The following CLDN10 variants were observed in gnomAD, a reference collection of about 807,000 sequenced individuals.
The protein encoded by CLDN10 is claudin 10.
Under a neutral mutation model 22.9 loss-of-function variants are expected in CLDN10, and 15 were observed. The observed-to-expected ratio is 0.65, with a 90% CI of 0.44 to 1.01. The LOEUF (loss-of-function observed/expected upper bound fraction) is 1.01, where lower values mean the gene tolerates loss of function less well. Ranked by LOEUF, CLDN10 falls within the 50% of genes least tolerant of loss-of-function variation. CLDN10 has a pLI of 0.00. For synonymous variants in CLDN10, 114 were observed against 111.4 expected, an observed-to-expected ratio of 1.02 and a Z score of -0.15; for missense variants, 247 against 287.8, an observed-to-expected ratio of 0.86 and a Z score of 1.03.
intron 3 of CLDN10, among the ~76,000 whole-genome samples, chr13:95,567,586 C>A (rs2043802431): frequency 6.6e-6 from 1 of 152,182 alleles, no homozygotes; most frequent in African/African-American, 2.4e-5. Context: ...ATTTGACTTC[C>A]TCTTTTCCTA....
rs533235544 is a variant in CLDN10, at chr13:95,439,436, C to T, written c.214+5389C>T. On this transcript the variant is annotated intron_variant, in intron 1 of 4. Transcript: ENST00000376873. The stretch of plus-strand genomic sequence containing the variant: ...CTCAACCTCTGCCTCCCAGGTTAAG[C>T]GATTCTCCTGCTTCTGCCTCCCAAG... 7.3e-5 allele frequency among the ~76,000 whole-genome samples: 11 copies of T among 151,630 alleles called. No homozygotes were observed. In the East Asian group the frequency reaches 9.7e-4, roughly 13 times the overall value.
intron 1 of CLDN10, among the ~76,000 whole-genome samples, chr13:95,484,251 C>G (rs1258228086): frequency 2.0e-5 from 3 of 152,172 alleles, no homozygotes; most frequent in Admixed American, 6.5e-5. Context: ...TGCAGCAGCA[C>G]TTCTAGCAGC....
Position 95,500,142 on chromosome 13 carries a change from G to C in CLDN10, c.215-59990G>C, listed in dbSNP as rs1020730127. On this transcript the variant is annotated intron_variant, in intron 1 of 4. Coordinates refer to the CLDN10 transcript ENST00000376873. ...TGTGCCAGGCACTGTTCTAAAATTT[G>C]AGAATATATCCTCGAATAAAGCCCA... Among the ~76,000 whole-genome samples the C allele has an allele frequency of 8.5e-5, 13 of 152,268 alleles. No homozygotes were observed. In the East Asian group the frequency reaches 2.5e-3, roughly 29 times the overall value.
At chr13:95,467,740 C>G (rs939020350) in intron 1 of CLDN10, among the ~76,000 whole-genome samples, 2 of 152,166 alleles carry the variant, frequency 1.3e-5, no homozygotes, top group African/African-American at 4.8e-5. Context: ...GTCCCAAGAT[C>G]TGCAGCCAAC....
At chr13:95,508,962 T>C (rs2043068101) in intron 1 of CLDN10, among the ~76,000 whole-genome samples, 1 of 152,140 alleles carries the variant, frequency 6.6e-6, no homozygotes, top group Non-Finnish European at 1.5e-5. Context: ...GAAACCCCTG[T>C]TGGTTTGACA....
chr13:95,530,739 C>CCTGAAATTCA (rs547004583), intron 1 of CLDN10, among the ~76,000 whole-genome samples: 72 of 152,044 alleles, frequency 4.7e-4, no homozygotes, highest in African/African-American at 1.7e-3. Context: ...AAAGTATGGC[C>CCTGAAATTCA]CTGAAATTCA....
chr13:95,486,183 A>G (rs1348191722), intron 1 of CLDN10, among the ~76,000 whole-genome samples: 3 of 152,164 alleles, frequency 2.0e-5, no homozygotes, highest in Non-Finnish European at 4.4e-5. Flanking sequence ...TCTGTGATGA[A>G]TAAAGTTGCT....
chr13:95,514,121 G>C (rs1238414781), intron 1 of CLDN10, among the ~76,000 whole-genome samples: 2 of 152,176 alleles, frequency 1.3e-5, no homozygotes, highest in African/African-American at 4.8e-5. Flanking sequence ...AGCCAGGCAT[G>C]GTGGTGCATG....
intron 1 of CLDN10, among the ~76,000 whole-genome samples, chr13:95,528,322 T>C (rs536760310): frequency 6.6e-6 from 1 of 152,300 alleles, no homozygotes; most frequent in Non-Finnish European, 1.5e-5. Context: ...CATTCTCTCT[T>C]GCCTGCCTCC....
intron 1 of CLDN10, among the ~76,000 whole-genome samples, chr13:95,474,413 G>A (rs1038739824): frequency 6.6e-6 from 1 of 152,214 alleles, no homozygotes; most frequent in African/African-American, 2.4e-5. Flanking sequence ...CTCACCTCCT[G>A]CTGTACGGCC....
chr13:95,496,143 C>G (rs56896735), intron 1 of CLDN10, among the ~76,000 whole-genome samples: 1 of 152,170 alleles, frequency 6.6e-6, no homozygotes, highest in Non-Finnish European at 1.5e-5. Flanking sequence ...CTTCTCTCCT[C>G]TTTTCAACTA....
intron 1 of CLDN10, among the ~76,000 whole-genome samples, chr13:95,522,525 T>C (rs2043233671): frequency 6.6e-6 from 1 of 152,066 alleles, no homozygotes; most frequent in Non-Finnish European, 1.5e-5. Context: ...GCTTACAAAG[T>C]AAATGTTCCA....
rs532826238 is a variant in CLDN10, at chr13:95,437,463, T to C, written c.214+3416T>C. On this transcript the variant is annotated intron_variant, in intron 1 of 4. Transcript: ENST00000376873. ...GCTTTCACTATGAAAGTAAAGCATC[T>C]CTCATCGTAGGGAGAAAAGCAGTTC... Among the ~76,000 whole-genome samples the C allele has an allele frequency of 3.9e-5, 6 of 152,294 alleles. 1 individual carries two copies. Among genetic ancestry groups the C allele is most frequent in the African/African-American group, 1.4e-4 (6 of 41,548 alleles).
rs147089865 is a variant in CLDN10, at chr13:95,506,907, C to T, written c.215-53225C>T. Reference sequence around the variant, plus strand: ...AGGGGTTTGGGGGCAGTAAAGCTCCCAAAATAGAGTTTCTCAGCAGGCCAC... The same window carrying T: ...AGGGGTTTGGGGGCAGTAAAGCTCCTAAAATAGAGTTTCTCAGCAGGCCAC... On this transcript the variant is annotated intron_variant, in intron 1 of 4. Transcript: ENST00000376873. Among the ~76,000 whole-genome samples, 307 of 152,180 alleles carry T rather than the reference C, an allele frequency of 2.0e-3. 1 individual carries two copies. The highest frequency in any genetic ancestry group is 7.0e-3 in the African/African-American group (291 of 41,514).
At chr13:95,541,441 C>T (rs893122845) in intron 1 of CLDN10, among the ~76,000 whole-genome samples, 1 of 152,204 alleles carries the variant, frequency 6.6e-6, no homozygotes, top group African/African-American at 2.4e-5. Context: ...CTCTTGCTAG[C>T]TGCATATGTG....
At chr13:95,572,010 G>A (rs1437850319) in intron 3 of CLDN10, among the ~76,000 whole-genome samples, 1 of 152,132 alleles carries the variant, frequency 6.6e-6, no homozygotes. Flanking sequence ...TCACTTCTCT[G>A]GGGATCTTAA....
At chr13:95,525,070 G>A (rs1170218686) in intron 1 of CLDN10, among the ~76,000 whole-genome samples, 1 of 151,992 alleles carries the variant, frequency 6.6e-6, no homozygotes, top group East Asian at 1.9e-4. Context: ...TGTTGGTCAG[G>A]CTGGTCTCGA....
chr13:95,545,345 A>G (rs2043497411), intron 1 of CLDN10, among the ~76,000 whole-genome samples: 1 of 151,838 alleles, frequency 6.6e-6, no homozygotes, highest in African/African-American at 2.4e-5. Context: ...AGAGTTCGAA[A>G]CCAGCCTGAC....
At position 95,504,818 on chromosome 13, in the gene CLDN10, A is replaced by G. The variant is rs1465663933; in HGVS notation, c.215-55314A>G. Among the ~76,000 whole-genome samples the G allele has an allele frequency of 2.0e-5, 3 of 152,224 alleles. No homozygotes were observed. In the East Asian group the frequency reaches 5.8e-4, roughly 29 times the overall value. ...CTCCCAAAGTGCTGGGATTACAGGC[A>G]TAAGCCATCACACTGGCCAGCTTTG... is the stretch of plus-strand genomic sequence containing the variant. On this transcript the variant is annotated intron_variant, in intron 1 of 4. Transcript: ENST00000376873.
Sources: allele counts gnomAD v4.1 joint callset (sites outside exome capture counted in the v4.1 genomes callset), GRCh38; gene constraint gnomAD v4.1.1; transcripts MANE v1.5; gene names NCBI Gene and HGNC (gene_info 2026-07-23, HGNC 2026-07-21).